CALN1: variants seen among roughly 807,000 people sequenced by gnomAD.
The protein encoded by CALN1 is calcium-binding protein 8.
Under a neutral mutation model 30.6 loss-of-function variants are expected in CALN1, and 17 were observed. That is an observed-to-expected ratio of 0.56 (90% CI 0.38 to 0.83). The LOEUF (loss-of-function observed/expected upper bound fraction) is 0.83. Ranked by LOEUF, CALN1 falls within the 40% of genes least tolerant of loss-of-function variation. The pLI is 0.00. For missense variants in CALN1, 291 were observed against 354.9 expected, an observed-to-expected ratio of 0.82 and a Z score of 1.45; for synonymous variants, 156 against 131.4, an observed-to-expected ratio of 1.19 and a Z score of -1.28.
At chr7:72,081,659 T>C (rs1217795847) in intron 4 of CALN1, among the ~76,000 whole-genome samples, 1 of 151,784 alleles carries the variant, frequency 6.6e-6, no homozygotes, top group Non-Finnish European at 1.5e-5. Flanking sequence ...TAGGCTCACG[T>C]GATCCTCCTG....
chr7:72,400,158 G>A (rs1015364412), intron 2 of CALN1, among the ~76,000 whole-genome samples: 1 of 151,974 alleles, frequency 6.6e-6, no homozygotes, highest in Non-Finnish European at 1.5e-5. Context: ...TGGGGGTGAG[G>A]AGGCACCCCG....
chr7:71,867,054 G>C (rs917919788), intron 5 of CALN1, among the ~76,000 whole-genome samples: 11 of 151,868 alleles, frequency 7.2e-5, no homozygotes, highest in African/African-American at 2.7e-4. Context: ...CGGAGGCAGG[G>C]GAATCGCTTG....
intron 3 of CALN1, among the ~76,000 whole-genome samples, chr7:72,168,432 T>G (rs1788684593): frequency 6.6e-6 from 1 of 152,212 alleles, no homozygotes; most frequent in South Asian, 2.1e-4. Flanking sequence ...GCATCAGTAG[T>G]AAAATTACAT....
intron 3 of CALN1, among the ~76,000 whole-genome samples, chr7:72,209,138 TTTCA>T (rs1792135373): frequency 1.5e-5 from 2 of 137,078 alleles, no homozygotes; most frequent in African/African-American, 5.6e-5. Flanking sequence ...TCTCTCCCTC[TTTCA>T]TTCCTTCCCC....
chr7:72,186,328 G>T (rs1790185572), intron 3 of CALN1, among the ~76,000 whole-genome samples: 1 of 147,376 alleles, frequency 6.8e-6, no homozygotes, highest in South Asian at 2.2e-4. Context: ...GAGTCTGGGA[G>T]AAAATCCACG....
rs184324165 is a variant in CALN1 at position 72,247,545 on chromosome 7, G to A, written c.244+31141C>T. On this transcript the variant is annotated intron_variant, in intron 3 of 6. Transcript: ENST00000395275. The stretch of plus-strand genomic sequence containing the variant: ...GCTGGGATTACAGGCATGAGCCACC[G>A]TGCCCGCCCTCAACAGGCCATTTTC... Among the ~76,000 whole-genome samples, 1,109 of 152,062 alleles carry A rather than the reference G, an allele frequency of 7.3e-3. 9 individuals carry two copies. The highest frequency in any genetic ancestry group is 0.026 in the African/African-American group (1,077 of 41,464).
intron 2 of CALN1, among the ~76,000 whole-genome samples, chr7:72,386,109 G>A (rs186280463): frequency 6.6e-6 from 1 of 152,358 alleles, no homozygotes; most frequent in African/African-American, 2.4e-5. Context: ...GGTTGAAGAG[G>A]TGGAGCAGAG....
intron 3 of CALN1, among the ~76,000 whole-genome samples, chr7:72,215,928 T>C (rs1792771245): frequency 6.6e-6 from 1 of 152,060 alleles, no homozygotes; most frequent in African/African-American, 2.4e-5. Flanking sequence ...GCTGCAGAGG[T>C]AAGCATGGGT....
At chr7:71,816,327 C>A (rs1788263826) in intron 5 of CALN1, among the ~76,000 whole-genome samples, 1 of 152,082 alleles carries the variant, frequency 6.6e-6, no homozygotes, top group African/African-American at 2.4e-5. Flanking sequence ...TTTTGACATA[C>A]ACTCAGAGAA....
At chr7:71,915,164 A>G (rs1355588149) in intron 5 of CALN1, among the ~76,000 whole-genome samples, 3 of 152,114 alleles carry the variant, frequency 2.0e-5, no homozygotes, top group African/African-American at 4.8e-5. Context: ...TGAATTCTCT[A>G]TTATAGGCCT....
chr7:72,304,506 A>G (rs978356486), intron 2 of CALN1, among the ~76,000 whole-genome samples: 2 of 152,182 alleles, frequency 1.3e-5, no homozygotes, highest in African/African-American at 2.4e-5. Context: ...TTTAAAAAAA[A>G]TCAAGTAAGC....
intron 1 of CALN1, among the ~76,000 whole-genome samples, chr7:72,411,776 A>G (rs1260646982): frequency 6.6e-6 from 1 of 151,820 alleles, no homozygotes; most frequent in Non-Finnish European, 1.5e-5. Context: ...TGTAATTGCT[A>G]AGGAATAAAG....
chr7:72,199,930 C>T (rs903086368), intron 3 of CALN1, among the ~76,000 whole-genome samples: 1 of 152,156 alleles, frequency 6.6e-6, no homozygotes, highest in African/African-American at 2.4e-5. Context: ...AACTATAAGG[C>T]TTGTCCTGGT....
intron 6 of CALN1, among the ~76,000 whole-genome samples, chr7:71,796,851 GTTTCCTGT>G (rs1786957966): frequency 6.6e-6 from 1 of 152,202 alleles, no homozygotes; most frequent in Non-Finnish European, 1.5e-5. Context: ...CAGAGGCAGA[GTTTCCTGT>G]TTTCCTGCAA....
chr7:72,217,282 C>T (rs1178793622), intron 3 of CALN1, among the ~76,000 whole-genome samples: 2 of 152,046 alleles, frequency 1.3e-5, no homozygotes, highest in Non-Finnish European at 2.9e-5. Context: ...CTAGGTAGCA[C>T]AGCACTGTAC....
chr7:72,060,711 A>C (rs967667682), intron 4 of CALN1, among the ~76,000 whole-genome samples: 1 of 152,030 alleles, frequency 6.6e-6, no homozygotes, highest in Non-Finnish European at 1.5e-5. Context: ...CCCCACCGTG[A>C]TGCATGGTAG....
chr7:71,790,999 T>C (rs1010345637), intron 6 of CALN1, among the ~76,000 whole-genome samples: 1 of 152,030 alleles, frequency 6.6e-6, no homozygotes, highest in Non-Finnish European at 1.5e-5. Context: ...TTAGAGAATA[T>C]AAAAATCACT....
rs554806735 is a variant in CALN1 at position 72,088,215 on chromosome 7, A to G, written c.388+17936T>C. Among the ~76,000 whole-genome samples the G allele has an allele frequency of 3.3e-5, 5 of 152,244 alleles. No individual in the cohort carries two copies. The East Asian group carries it at 9.7e-4, about 29-fold the overall frequency. On this transcript the variant is annotated intron_variant, in intron 4 of 6. Coordinates refer to ENST00000395275, the MANE Select transcript of CALN1 (RefSeq NM_031468.4). ...TATTCCAAGGAACCACAACAACAAC[A>G]TAACACCAGGCACCACCACTACTAG...
intron 5 of CALN1, among the ~76,000 whole-genome samples, chr7:71,865,930 A>G (rs1791557946): frequency 6.6e-6 from 1 of 152,234 alleles, no homozygotes; most frequent in Non-Finnish European, 1.5e-5. Context: ...TTTTAGAAAG[A>G]GTAGTAAATA....
Sources: gnomAD v4.1 joint callset for allele counts (sites outside exome capture counted in the v4.1 genomes callset) on GRCh38, gnomAD v4.1.1 for gene constraint, MANE v1.5 for transcripts, NCBI Gene and HGNC (gene_info 2026-07-23, HGNC 2026-07-21) for gene names.